Variants in ILKAP observed in about 807,000 individuals in gnomAD.
The protein encoded by ILKAP is ILK associated serine/threonine phosphatase, also known as integrin-linked kinase-associated serine/threonine phosphatase 2C.
A neutral mutation model predicts 49.1 loss-of-function variants in ILKAP; 11 were observed. The ratio of observed to expected loss-of-function variants is 0.22; its 90% CI spans 0.14 to 0.37. ILKAP has a LOEUF of 0.37. Among genes scored for constraint, ILKAP ranks in the 10% least tolerant of loss-of-function variants. ILKAP has a pLI of 1.00. For synonymous variants in ILKAP, 186 were observed against 192.8 expected, an observed-to-expected ratio of 0.96 and a Z score of 0.29; for missense variants, 363 against 510.8, an observed-to-expected ratio of 0.71 and a Z score of 2.79.
chr2:238,176,259 G>A (rs749585350), intron 9 of ILKAP, among the ~76,000 whole-genome samples: 5 of 149,150 alleles, frequency 3.4e-5, no homozygotes, highest in Admixed American at 6.8e-5. Flanking sequence ...TCAACCTCCC[G>A]AGTAGCTGGG....
At chr2:238,180,358 CTAAT>C (rs1693638113) in intron 9 of ILKAP, among the ~76,000 whole-genome samples, 1 of 152,170 alleles carries the variant, frequency 6.6e-6, no homozygotes, top group African/African-American at 2.4e-5. Context: ...AAAATTCTCA[CTAAT>C]TATGTCAAGA....
chr2:238,202,815 T>A (rs1233017467), intron 1 of ILKAP, among the ~76,000 whole-genome samples: 1 of 148,484 alleles, frequency 6.7e-6, no homozygotes, highest in African/African-American at 2.5e-5. Context: ...GGACTCCCAC[T>A]GGCAGGGGCC....
In ILKAP at chr2:238,173,301, A is replaced by G. The variant is rs75214448; in HGVS notation, c.956+233T>C. Among the ~76,000 whole-genome samples, 436 of 152,220 alleles carry G rather than the reference A, an allele frequency of 2.9e-3. 2 individuals are homozygous for G. The highest frequency in any genetic ancestry group is 0.01 in the African/African-American group (419 of 41,536). ...CCCTTCCCCTACTGCCAAAGACCCC[A>G]GCACACAGCACATGCCTAGGACACA... is the stretch of plus-strand genomic sequence containing the variant. On this transcript the variant is annotated intron_variant, in intron 10 of 11. Transcript: ENST00000254654.
chr2:238,191,777 C>T (rs1202372348), intron 3 of ILKAP, among the ~76,000 whole-genome samples: 11 of 151,968 alleles, frequency 7.2e-5, no homozygotes, highest in South Asian at 2.1e-4. Flanking sequence ...GGCATGGTAG[C>T]GCCTGTAATC....
At chr2:238,173,355 TC>T (rs11309913) in intron 10 of ILKAP, among the ~76,000 whole-genome samples, 178 bp downstream of exon 10, 113,346 of 151,822 alleles carry the variant, frequency 0.75, 42,592 homozygotes, top group Middle Eastern at 0.87. Context: ...TCCCCATGTG[TC>T]CCCCCCTACC....
intron 11 of ILKAP, 111 bp downstream of exon 11, chr2:238,170,832 A>G: frequency 3.5e-6 from 5 of 1,422,302 alleles, no homozygotes; most frequent in Non-Finnish European, 5.0e-6. Context: ...ACACTGAAAA[A>G]GGGCACAAGG....
chr2:238,180,395 C>T (rs1693640037), intron 9 of ILKAP, among the ~76,000 whole-genome samples: 2 of 152,166 alleles, frequency 1.3e-5, no homozygotes, highest in African/African-American at 2.4e-5. Context: ...TCAGGAGATG[C>T]ATGCTTAAGT....
At chr2:238,190,877 TAAA>T (rs57511265) in intron 3 of ILKAP, among the ~76,000 whole-genome samples, 7,605 of 94,830 alleles carry the variant, frequency 0.08, 533 homozygotes, top group African/African-American at 0.21. Context: ...CGTTTCTCTT[TAAA>T]AAAAAAAAAA....
At chr2:238,192,907 G>T (rs989544327) in intron 3 of ILKAP, among the ~76,000 whole-genome samples, 11 of 151,906 alleles carry the variant, frequency 7.2e-5, no homozygotes, top group African/African-American at 2.7e-4. Flanking sequence ...CAACTACTCA[G>T]GAGGCTGAGG....
intron 1 of ILKAP, among the ~76,000 whole-genome samples, chr2:238,203,235 G>A (rs1185588131): frequency 1.3e-5 from 2 of 151,056 alleles, no homozygotes; most frequent in Non-Finnish European, 3.0e-5. Context: ...CACGCAGAGG[G>A]GCCGTGGCCA....
chr2:238,198,938 G>A (rs893872838), intron 1 of ILKAP, among the ~76,000 whole-genome samples: 11 of 152,056 alleles, frequency 7.2e-5, no homozygotes, highest in African/African-American at 2.4e-4. Context: ...ACACCACAGA[G>A]GTATTATCAG....
chr2:238,188,314 C>T, intron 4 of ILKAP, 57 bp from the exon 5 acceptor site: 1 of 1,580,652 alleles, frequency 6.3e-7, no homozygotes, highest in South Asian at 1.1e-5. Context: ...CTCTGGAAAC[C>T]CTAGTCCCAG....
chr2:238,184,147 C>T lies in ILKAP; in HGVS notation c.533-34G>A, dbSNP rs189308887. 7.4e-3 allele frequency: 8,705 copies of T among 1,170,936 alleles called. 47 individuals are homozygous for T. The highest frequency in any genetic ancestry group is 9.2e-3 in the Non-Finnish European group (7,170 of 779,660). The allele number at this position is 1,170,936 out of a possible 1,614,324, so 72.5% of individuals were successfully genotyped here. A position where few individuals can be genotyped will look rare whatever the true frequency, so the allele number is the denominator to read the frequency against. ...GAAGGGCCAAAAGAAAACAATCTCT[C>T]AAGGAGGGAAGATTATCCTCCTCCC... On this transcript the variant is annotated intron_variant, in intron 6 of 11. Coordinates refer to ENST00000254654, the MANE Select transcript of ILKAP (RefSeq NM_030768.3).
chr2:238,175,317 C>T (rs1449085782), intron 9 of ILKAP, among the ~76,000 whole-genome samples: 1 of 151,902 alleles, frequency 6.6e-6, no homozygotes, highest in Non-Finnish European at 1.5e-5. Context: ...GGTCCTTAAA[C>T]AATTAGCCTC....
chr2:238,180,684 TGAA>T (rs1272787217), intron 9 of ILKAP, among the ~76,000 whole-genome samples: 3 of 152,190 alleles, frequency 2.0e-5, no homozygotes, highest in African/African-American at 7.2e-5. Flanking sequence ...TTCTCTGAGA[TGAA>T]GGAGTCACCC....
intron 3 of ILKAP, among the ~76,000 whole-genome samples, chr2:238,193,908 T>G (rs544710102): frequency 6.6e-6 from 1 of 152,294 alleles, no homozygotes; most frequent in Non-Finnish European, 1.5e-5. Context: ...CAGGAGGAGG[T>G]AGAGCCAATG....
intron 9 of ILKAP, among the ~76,000 whole-genome samples, chr2:238,175,719 A>G (rs1693421871): frequency 6.6e-6 from 1 of 152,212 alleles, no homozygotes; most frequent in Admixed American, 6.5e-5. Context: ...GTTGGGACTC[A>G]GCCCCACCAG....
chr2:238,195,560 T>C (rs968719083), intron 1 of ILKAP, among the ~76,000 whole-genome samples: 4 of 152,228 alleles, frequency 2.6e-5, no homozygotes, highest in African/African-American at 9.6e-5. Context: ...TTTTTCCACA[T>C]AAAATTTAAC....
chr2:238,190,662 G>A (rs1201482047), intron 3 of ILKAP, among the ~76,000 whole-genome samples: 4 of 152,140 alleles, frequency 2.6e-5, no homozygotes, highest in Non-Finnish European at 5.9e-5. Flanking sequence ...AAGAGCATTT[G>A]TCACAGTGCC....
Sources: allele counts gnomAD v4.1 joint callset (sites outside exome capture counted in the v4.1 genomes callset), GRCh38; gene constraint gnomAD v4.1.1; transcripts MANE v1.5; gene names NCBI Gene and HGNC (gene_info 2026-07-23, HGNC 2026-07-21).